Variants in MRPL1 observed in about 807,000 individuals in gnomAD.
MRPL1 encodes mitochondrial ribosomal protein L1.
MRPL1 carries 28 observed loss-of-function variants against 38.0 expected under a neutral mutation model. The observed-to-expected ratio is 0.74, with a 90% confidence interval of 0.55 to 1.01. MRPL1 has a LOEUF of 1.01. Among genes scored for constraint, MRPL1 ranks in the 50% least tolerant of loss-of-function variants. MRPL1 has a pLI of 0.00. For missense variants in MRPL1, 358 were observed against 389.8 expected, an observed-to-expected ratio of 0.92 and a Z score of 0.69; for synonymous variants, 123 against 126.7, an observed-to-expected ratio of 0.97 and a Z score of 0.20.
chr4:77,876,368 T>C (rs917996860), intron 2 of MRPL1, among the ~76,000 whole-genome samples: 4 of 152,256 alleles, frequency 2.6e-5, no homozygotes, highest in African/African-American at 9.6e-5. Context: ...TTATTAGGGA[T>C]ACTAATTATT....
At position 77,885,612 on chromosome 4, in the gene MRPL1, G is replaced by A. The variant is rs111477770; in HGVS notation, c.486+273G>A. Among the ~76,000 whole-genome samples, 500 of 152,164 alleles carry A rather than the reference G, an allele frequency of 3.3e-3. 1 individual carries two copies. The highest frequency in any genetic ancestry group is 4.9e-3 in the African/African-American group (202 of 41,524). Reference sequence around the variant, plus strand: ...GATCTCTTGACCTTGTGATCCGCCCGCCTCGGCCTCCCAAAGTGCTGGGAT... The same window carrying A: ...GATCTCTTGACCTTGTGATCCGCCCACCTCGGCCTCCCAAAGTGCTGGGAT... On this transcript the variant is annotated intron_variant, in intron 4 of 8. Coordinates refer to ENST00000315567, the MANE Select transcript of MRPL1 (RefSeq NM_020236.4).
intron 2 of MRPL1, among the ~76,000 whole-genome samples, chr4:77,877,959 G>A (rs1735441816): frequency 6.6e-6 from 1 of 152,088 alleles, no homozygotes; most frequent in Non-Finnish European, 1.5e-5. Context: ...GTCTTTCCTG[G>A]GAGCACCTGG....
At chr4:77,869,393 GATAAA>G (rs1369173623) in intron 1 of MRPL1, among the ~76,000 whole-genome samples, 1 of 152,138 alleles carries the variant, frequency 6.6e-6, no homozygotes, top group Non-Finnish European at 1.5e-5. Flanking sequence ...TAATAAAGGA[GATAAA>G]ATAATACAGC....
intron 4 of MRPL1, among the ~76,000 whole-genome samples, chr4:77,886,791 T>TTC (rs1409585571): frequency 1.1e-5 from 1 of 94,082 alleles, no homozygotes; most frequent in Non-Finnish European, 2.1e-5. Context: ...TGCATTTTCT[T>TTC]TTTTTTTTTT....
chr4:77,946,033 G>A (rs1192181562), intron 7 of MRPL1, among the ~76,000 whole-genome samples: 1 of 152,056 alleles, frequency 6.6e-6, no homozygotes, highest in African/African-American at 2.4e-5. Context: ...CCAGGGTGGG[G>A]TTTTTTCCCC....
At chr4:77,916,752 C>T (rs746594160) in intron 7 of MRPL1, among the ~76,000 whole-genome samples, 2 of 151,920 alleles carry the variant, frequency 1.3e-5, no homozygotes, top group Non-Finnish European at 2.9e-5. Context: ...GTTTGTGTCC[C>T]GATTTTTGCT....
intron 7 of MRPL1, among the ~76,000 whole-genome samples, chr4:77,935,062 T>C (rs1230445624): frequency 2.0e-5 from 3 of 152,188 alleles, no homozygotes; most frequent in Non-Finnish European, 4.4e-5. Flanking sequence ...ATGGGTTATA[T>C]ACTGTTATTT....
chr4:77,926,357 G>A (rs1736711891), intron 7 of MRPL1, among the ~76,000 whole-genome samples: 1 of 152,130 alleles, frequency 6.6e-6, no homozygotes, highest in South Asian at 2.1e-4. Context: ...TCTCTTCCTT[G>A]ATTTAGCTCC....
chr4:77,946,145 T>TC (rs1241039583), intron 7 of MRPL1, among the ~76,000 whole-genome samples: 7 of 151,684 alleles, frequency 4.6e-5, no homozygotes, highest in Non-Finnish European at 1.0e-4. Context: ...TTTATAGACC[T>TC]CCCCCCAGGA....
intron 1 of MRPL1, among the ~76,000 whole-genome samples, chr4:77,865,756 A>G (rs757503473): frequency 6.6e-6 from 1 of 152,078 alleles, no homozygotes; most frequent in Non-Finnish European, 1.5e-5. Context: ...CTGACTTCTC[A>G]CTGCCCCACT....
At chr4:77,928,988 C>T (rs1253845714) in intron 7 of MRPL1, among the ~76,000 whole-genome samples, 3 of 152,096 alleles carry the variant, frequency 2.0e-5, no homozygotes, top group Admixed American at 1.3e-4. Context: ...ATTGTATTTA[C>T]AATGTAGTGA....
chr4:77,884,244 CAA>C (rs369596317), intron 3 of MRPL1, among the ~76,000 whole-genome samples: 28 of 89,024 alleles, frequency 3.1e-4, no homozygotes, highest in Admixed American at 3.9e-4. Flanking sequence ...GACTCCATCT[CAA>C]AAAAAAAAAA....
chr4:77,944,322 G>C (rs1190740726), intron 7 of MRPL1, among the ~76,000 whole-genome samples: 1 of 152,170 alleles, frequency 6.6e-6, no homozygotes, highest in Non-Finnish European at 1.5e-5. Flanking sequence ...CCTTCAAAGG[G>C]TCTGTGGGCT....
intron 2 of MRPL1, among the ~76,000 whole-genome samples, chr4:77,877,109 A>C (rs1236997615): frequency 6.6e-6 from 1 of 152,334 alleles, no homozygotes; most frequent in South Asian, 2.1e-4. Flanking sequence ...CCTGTTGGCC[A>C]GTCTGGTCTC....
chr4:77,871,367 C>T (rs959285535), intron 1 of MRPL1, among the ~76,000 whole-genome samples: 1 of 150,880 alleles, frequency 6.6e-6, no homozygotes. Context: ...TGCGGTGGCG[C>T]TATATCGGCT....
At chr4:77,863,499 T>C (rs1279793157) in intron 1 of MRPL1, among the ~76,000 whole-genome samples, 34 of 138,626 alleles carry the variant, frequency 2.5e-4, no homozygotes, top group Non-Finnish European at 7.6e-5. Flanking sequence ...GCAGTCTCGC[T>C]CTGCCACCCA....
intron 7 of MRPL1, among the ~76,000 whole-genome samples, chr4:77,919,849 ATG>A (rs1553906969): frequency 1.4e-4 from 21 of 149,360 alleles, no homozygotes; most frequent in Admixed American, 2.0e-4. Context: ...ATATATATAT[ATG>A]TGTGTGTGTG....
At chr4:77,928,080 T>C (rs2110257890) in intron 7 of MRPL1, among the ~76,000 whole-genome samples, 1 of 152,356 alleles carries the variant, frequency 6.6e-6, no homozygotes, top group Admixed American at 6.5e-5. Context: ...GAGTATCATT[T>C]TGTGTGCTTG....
chr4:77,871,865 T>C lies in MRPL1; in HGVS notation c.143+10T>C, dbSNP rs1285641689. On this transcript the variant is annotated intron_variant, in intron 2 of 8. Transcript: ENST00000315567. Reference sequence around the variant, plus strand: ...TTGCTGCTGCTACAAAGTAAGTATTTTTTTTTAGTTATTATTTCATTTGTT... The same window carrying C: ...TTGCTGCTGCTACAAAGTAAGTATTCTTTTTTAGTTATTATTTCATTTGTT... 3 of 1,521,920 alleles carry C rather than the reference T, an allele frequency of 2.0e-6. No individual in the cohort carries two copies. The highest frequency in any genetic ancestry group is 1.8e-6 in the Non-Finnish European group (2 of 1,110,164). 94.3% of individuals were successfully genotyped at this position (1,521,920 alleles called of 1,614,324 possible). A position where few individuals can be genotyped will look rare whatever the true frequency, so the allele number is the denominator to read the frequency against.
Sources: gnomAD v4.1 joint callset for allele counts (sites outside exome capture counted in the v4.1 genomes callset) on GRCh38, gnomAD v4.1.1 for gene constraint, MANE v1.5 for transcripts, NCBI Gene and HGNC (gene_info 2026-07-23, HGNC 2026-07-21) for gene names.